The following WDFY4 variants were observed in gnomAD, a reference collection of about 807,000 sequenced individuals.
The protein encoded by WDFY4 is WD repeat- and FYVE domain-containing protein 4.
Under a neutral mutation model 351.9 loss-of-function variants are expected in WDFY4, and 169 were observed. That is an observed-to-expected ratio of 0.48 (90% confidence interval 0.42 to 0.55). The LOEUF is 0.55. WDFY4 is among the 20% of genes least tolerant of loss of function. The probability of loss-of-function intolerance (pLI) is 0.00; values close to 1 mark genes in which losing one functional copy is unlikely to be tolerated. For missense variants in WDFY4, 3,803 were observed against 3,935.6 expected, an observed-to-expected ratio of 0.97 and a Z score of 0.90; for synonymous variants, 1,622 against 1,574.6, an observed-to-expected ratio of 1.03 and a Z score of -0.71.
intron 51 of WDFY4, among the ~76,000 whole-genome samples, chr10:48,953,363 T>C (rs1016650371): frequency 4.3e-5 from 4 of 93,904 alleles, no homozygotes; most frequent in African/African-American, 7.1e-5. Flanking sequence ...ACACACACAA[T>C]TGCTTTCACA....
chr10:48,906,622 A>G (rs1049727031), intron 47 of WDFY4, among the ~76,000 whole-genome samples: 3 of 152,224 alleles, frequency 2.0e-5, no homozygotes, highest in Admixed American at 2.0e-4. Context: ...TAAAAAGACC[A>G]ATCAGAAAAG....
rs574243076 is a variant in WDFY4, at chr10:48,952,003, G to T, written c.7977+5034G>T. On this transcript the variant is annotated intron_variant, in intron 51 of 61. Coordinates refer to ENST00000325239, the MANE Select transcript of WDFY4 (RefSeq NM_001394531.1). Reference sequence around the variant, plus strand: ...TACCAGCAGTGGGGAAGGGTTTTCCGAACCACCTGAGGCGAGATGGCTGGT... The same window carrying T: ...TACCAGCAGTGGGGAAGGGTTTTCCTAACCACCTGAGGCGAGATGGCTGGT... Among the ~76,000 whole-genome samples the T allele has an allele frequency of 4.6e-5, 7 of 152,360 alleles. No homozygotes were observed. In the South Asian group the frequency reaches 1.4e-3, roughly 32 times the overall value.
At chr10:48,737,247 C>A (rs1442094787) in intron 11 of WDFY4, among the ~76,000 whole-genome samples, 3 of 152,010 alleles carry the variant, frequency 2.0e-5, no homozygotes, top group Non-Finnish European at 4.4e-5. Context: ...TGACCTCAAG[C>A]AGTTCTCCCA....
chr10:48,940,537 A>G (rs552055793), intron 47 of WDFY4, among the ~76,000 whole-genome samples: 5 of 152,352 alleles, frequency 3.3e-5, no homozygotes, highest in Admixed American at 6.5e-5. Flanking sequence ...CCTTGTCCAG[A>G]CTGAGCCCGG....
intron 55 of WDFY4, 43 bp from the exon 56 acceptor site, chr10:48,969,021 C>A: frequency 5.9e-6 from 9 of 1,538,258 alleles, no homozygotes; most frequent in Non-Finnish European, 7.9e-6. Flanking sequence ...GTAGTGGGTG[C>A]TGTTCTTCCA....
chr10:48,810,772 C>T, intron 29 of WDFY4, 37 bp downstream of exon 29: 2 of 1,479,504 alleles, frequency 1.4e-6, no homozygotes, highest in Non-Finnish European at 1.8e-6. Context: ...TGGGGCACCA[C>T]CTAGTCCTGG....
At position 48,828,914 on chromosome 10, in the gene WDFY4, T is replaced by TTG. The variant is rs772811111; in HGVS notation, c.6340+27_6340+28dup. 1.0e-4 allele frequency: 20 copies of TTG among 199,790 alleles called. 1 individual carries two copies. Among genetic ancestry groups the TTG allele is most frequent in the African/African-American group, 5.2e-4 (6 of 11,630 alleles). The allele number at this position is 199,790 out of a possible 1,614,324, so 12.4% of individuals were successfully genotyped here. ...GAGTGATGGTACATTTTATTTGTCA[T>TTG]TGTGTGTGTGGGCGGGGGGGGGGCG... is the stretch of plus-strand genomic sequence containing the variant. On this transcript the variant is annotated intron_variant, in intron 37 of 61. Coordinates refer to ENST00000325239, the MANE Select transcript of WDFY4 (RefSeq NM_001394531.1).
intron 39 of WDFY4, among the ~76,000 whole-genome samples, chr10:48,866,444 G>A (rs1381514782): frequency 6.6e-6 from 1 of 152,122 alleles, no homozygotes; most frequent in Non-Finnish European, 1.5e-5. Context: ...TAAAAGACAT[G>A]CTTTGTATTA....
At chr10:48,909,003 A>G (rs956317369) in intron 47 of WDFY4, among the ~76,000 whole-genome samples, 19 of 150,048 alleles carry the variant, frequency 1.3e-4, no homozygotes, top group Admixed American at 1.2e-3. Flanking sequence ...TGTTCTATAC[A>G]TGGAATCATA....
chr10:48,811,476 G>A, intron 29 of WDFY4, 63 bp from the exon 30 acceptor site: 1 of 1,478,236 alleles, frequency 6.8e-7, no homozygotes, highest in South Asian at 1.3e-5. Context: ...TGTGTGTCCA[G>A]GCCCCACCTT....
At chr10:48,845,844 G>A (rs1359802610) in intron 39 of WDFY4, among the ~76,000 whole-genome samples, 1 of 152,018 alleles carries the variant, frequency 6.6e-6, no homozygotes, top group African/African-American at 2.4e-5. Flanking sequence ...AAGACTCACC[G>A]TCACATACCA....
intron 47 of WDFY4, among the ~76,000 whole-genome samples, chr10:48,925,791 T>C (rs1393249067): frequency 6.6e-6 from 1 of 152,158 alleles, no homozygotes; most frequent in African/African-American, 2.4e-5. Flanking sequence ...GACATCAATT[T>C]TGGAAATACT....
chr10:48,877,744 A>G (rs1052444304), intron 43 of WDFY4, among the ~76,000 whole-genome samples: 1 of 152,208 alleles, frequency 6.6e-6, no homozygotes, highest in Non-Finnish European at 1.5e-5. Flanking sequence ...TGAAGTGTAC[A>G]GGCCCAGGAG....
intron 7 of WDFY4, 106 bp from the exon 8 acceptor site, chr10:48,729,326 C>A (rs958104395): frequency 6.8e-7 from 1 of 1,474,234 alleles, no homozygotes; most frequent in Non-Finnish European, 9.1e-7. Flanking sequence ...TGGGGTCTTC[C>A]CCAGCTTGCA....
intron 23 of WDFY4, among the ~76,000 whole-genome samples, 169 bp downstream of exon 23, chr10:48,791,086 G>A (rs1222219151): frequency 1.3e-5 from 2 of 152,230 alleles, no homozygotes; most frequent in East Asian, 1.9e-4. Context: ...GCAGAGGAGG[G>A]GCAGGCGACA....
At position 48,946,303 on chromosome 10, in the gene WDFY4, G is replaced by C. The variant is rs535520128; in HGVS notation, c.7867+146G>C. ...CTAACCTGGTGGTAGGAAGTGCCTG[G>C]GGAGCTTCTAGAAAATACTGATGTC... On this transcript the variant is annotated intron_variant, in intron 50 of 61. Transcript: ENST00000325239. The C allele has an allele frequency of 5.1e-5, 35 of 685,194 alleles. No homozygotes were observed. In the African/African-American group the frequency reaches 5.4e-4, roughly 11 times the overall value. The allele number at this position is 685,194 out of a possible 1,614,324, so 42.4% of individuals were successfully genotyped here.
chr10:48,810,016 CTCA>C (rs2067395030), intron 28 of WDFY4, among the ~76,000 whole-genome samples: 1 of 152,122 alleles, frequency 6.6e-6, no homozygotes, highest in Admixed American at 6.6e-5. Context: ...ATTCTCCAGA[CTCA>C]TCATTTTTGA....
intron 51 of WDFY4, among the ~76,000 whole-genome samples, chr10:48,954,998 CT>C (rs34565745): frequency 3.9e-5 from 6 of 152,004 alleles, no homozygotes; most frequent in Non-Finnish European, 5.9e-5. Flanking sequence ...TACAGGTAAC[CT>C]TTTTATTACC....
chr10:48,786,051 A>G (rs964281977), intron 19 of WDFY4, among the ~76,000 whole-genome samples: 7 of 152,192 alleles, frequency 4.6e-5, no homozygotes, highest in Admixed American at 3.3e-4. Flanking sequence ...AATTTTCAGT[A>G]TACAGATCCT....
Sources: gnomAD v4.1 joint callset for allele counts (sites outside exome capture counted in the v4.1 genomes callset) on GRCh38, gnomAD v4.1.1 for gene constraint, MANE v1.5 for transcripts, NCBI Gene and HGNC (gene_info 2026-07-23, HGNC 2026-07-21) for gene names.